RABGAP1L: variants seen among roughly 807,000 people sequenced by gnomAD.
RABGAP1L encodes RAB GTPase activating protein 1 like.
A neutral mutation model predicts 137.7 loss-of-function variants in RABGAP1L; 63 were observed. The observed-to-expected ratio is 0.46, with a 90% CI of 0.37 to 0.56. RABGAP1L has a LOEUF of 0.56. Among genes scored for constraint, RABGAP1L ranks in the 20% least tolerant of loss-of-function variants. The probability of loss-of-function intolerance (pLI) is 0.00; values close to 1 mark genes in which losing one functional copy is unlikely to be tolerated. For missense variants in RABGAP1L, 1,095 were observed against 1,244.0 expected, an observed-to-expected ratio of 0.88 and a Z score of 1.80; for synonymous variants, 431 against 433.7, an observed-to-expected ratio of 0.99 and a Z score of 0.08.
intron 10 of RABGAP1L, among the ~76,000 whole-genome samples, chr1:174,299,346 C>G (rs371782140): frequency 4.6e-5 from 7 of 152,294 alleles, no homozygotes; most frequent in African/African-American, 1.7e-4. Flanking sequence ...TTACTGACCA[C>G]AGGTCAGGAA....
chr1:174,990,137 T>C lies in RABGAP1L; in HGVS notation c.*136T>C. On this transcript the variant is annotated 3_prime_UTR_variant, in exon 26 of 26. Coordinates refer to ENST00000681986, the MANE Select transcript of RABGAP1L (RefSeq NM_001366446.1). ...GAATTTTTCAGTAGCTCTCACTCTT[T>C]CTTGTATGACACTTTTCAAAGGGAT... is the stretch of plus-strand genomic sequence containing the variant. 2 of 1,120,414 alleles carry C rather than the reference T, an allele frequency of 1.8e-6. No homozygotes were observed. Among genetic ancestry groups the C allele is most frequent in the Admixed American group, 2.8e-5 (1 of 35,312 alleles). 69.4% of individuals were successfully genotyped at this position (1,120,414 alleles called of 1,614,324 possible). A position where few individuals can be genotyped will look rare whatever the true frequency, so the allele number is the denominator to read the frequency against.
rs1284626979 is a variant in RABGAP1L at position 174,484,918 on chromosome 1, A to G, written c.1710+90773A>G. On this transcript the variant is annotated intron_variant, in intron 13 of 25. Coordinates refer to ENST00000681986, the MANE Select transcript of RABGAP1L (RefSeq NM_001366446.1). ...TCTTTGGTATTTTGATAGGGATTGC[A>G]CTGAATCTGTTGATTGCTTTGTGTA... Among the ~76,000 whole-genome samples, 3 of 152,202 alleles carry G rather than the reference A, an allele frequency of 2.0e-5. No individual in the cohort carries two copies. The South Asian group carries it at 6.2e-4, about 32-fold the overall frequency.
intron 11 of RABGAP1L, among the ~76,000 whole-genome samples, chr1:174,364,754 C>T (rs1272286307): frequency 2.6e-5 from 4 of 152,088 alleles, no homozygotes; most frequent in South Asian, 4.2e-4. Context: ...ACCCCTGAAA[C>T]GAGCATGTCT....
At chr1:174,373,884 C>T (rs550695318) in intron 12 of RABGAP1L, among the ~76,000 whole-genome samples, 9 of 152,228 alleles carry the variant, frequency 5.9e-5, no homozygotes, top group African/African-American at 2.2e-4. Flanking sequence ...GGACTTGTAG[C>T]TGATAGGCAG....
At chr1:174,777,207 T>G (rs1238024495) in intron 18 of RABGAP1L, among the ~76,000 whole-genome samples, 1 of 152,236 alleles carries the variant, frequency 6.6e-6, no homozygotes, top group African/African-American at 2.4e-5. Flanking sequence ...TCTTTTTATG[T>G]GATGGTATGT....
chr1:174,248,131 A>G (rs1345987514), intron 5 of RABGAP1L, among the ~76,000 whole-genome samples: 5 of 152,184 alleles, frequency 3.3e-5, no homozygotes, highest in Non-Finnish European at 7.3e-5. Context: ...GTTTTCCTCT[A>G]TAAACACTTG....
intron 19 of RABGAP1L, among the ~76,000 whole-genome samples, chr1:174,868,664 A>G (rs1329280): frequency 0.12 from 18,264 of 152,214 alleles, 3,643 homozygotes; most frequent in African/African-American, 0.41. Flanking sequence ...ATATCATTAT[A>G]TAACAAATGC....
chr1:174,779,009 G>A (rs1051047037), intron 18 of RABGAP1L, among the ~76,000 whole-genome samples: 1 of 152,172 alleles, frequency 6.6e-6, no homozygotes, highest in Non-Finnish European at 1.5e-5. Context: ...TAACTGTAGT[G>A]ATTCTATATA....
At chr1:174,558,632 A>T (rs1667025004) in intron 13 of RABGAP1L, among the ~76,000 whole-genome samples, 1 of 152,192 alleles carries the variant, frequency 6.6e-6, no homozygotes, top group Non-Finnish European at 1.5e-5. Flanking sequence ...ACTCTTGAAT[A>T]TTTTTTAACC....
intron 18 of RABGAP1L, among the ~76,000 whole-genome samples, chr1:174,758,383 C>A (rs1429666404): frequency 1.3e-5 from 2 of 151,906 alleles, no homozygotes; most frequent in Non-Finnish European, 2.9e-5. Flanking sequence ...TATTCATTCC[C>A]CTGGTTTCAT....
chr1:174,526,429 G>A (rs1289757037), intron 13 of RABGAP1L, among the ~76,000 whole-genome samples: 2 of 152,072 alleles, frequency 1.3e-5, no homozygotes, highest in East Asian at 3.8e-4. Context: ...TTAGTTCTTT[G>A]TGTGTTCGGT....
Position 174,749,436 on chromosome 1 carries a change from C to A in RABGAP1L, c.2170-2877C>A, listed in dbSNP as rs1573020669. On this transcript the variant is annotated intron_variant, in intron 17 of 25. Coordinates refer to ENST00000681986, the MANE Select transcript of RABGAP1L (RefSeq NM_001366446.1). ...GCTCAACCTCCTCAGTTCAAGCACT[C>A]CTCCTGCCTCAGCCTCCCATGAAGC... Among the ~76,000 whole-genome samples, 3 of 151,892 alleles carry A rather than the reference C, an allele frequency of 2.0e-5. No individual in the cohort carries two copies. In the East Asian group the frequency reaches 5.9e-4, roughly 30 times the overall value.
At chr1:174,548,007 C>A (rs1558330824) in intron 13 of RABGAP1L, 1 of 1,550,502 alleles carries the variant, frequency 6.4e-7, no homozygotes, top group East Asian at 2.4e-5. Flanking sequence ...CTGAATTGTA[C>A]AAATATGTCC....
chr1:174,165,294 C>T (rs773117616), intron 1 of RABGAP1L, among the ~76,000 whole-genome samples: 22 of 152,030 alleles, frequency 1.4e-4, no homozygotes, highest in Non-Finnish European at 2.8e-4. Context: ...GGATTACAGG[C>T]GCCAACTGCC....
chr1:174,963,159 A>G (rs1310448063), intron 20 of RABGAP1L, among the ~76,000 whole-genome samples: 1 of 152,070 alleles, frequency 6.6e-6, no homozygotes, highest in Non-Finnish European at 1.5e-5. Context: ...TTATTTTTTC[A>G]TATCCCAAAA....
intron 17 of RABGAP1L, among the ~76,000 whole-genome samples, chr1:174,747,114 A>G (rs1683934977): frequency 6.6e-6 from 1 of 152,148 alleles, no homozygotes; most frequent in Admixed American, 6.5e-5. Flanking sequence ...TTAAAAATAC[A>G]TTTCAAGGCT....
At chr1:174,798,337 G>A (rs530215950) in intron 18 of RABGAP1L, among the ~76,000 whole-genome samples, 86 of 151,786 alleles carry the variant, frequency 5.7e-4, no homozygotes, top group Admixed American at 8.5e-4. Flanking sequence ...AACCCGGGAG[G>A]CAGAGCTTGC....
chr1:174,951,762 T>C (rs979603044), intron 19 of RABGAP1L, among the ~76,000 whole-genome samples: 3 of 152,096 alleles, frequency 2.0e-5, no homozygotes, highest in Non-Finnish European at 2.9e-5. Flanking sequence ...GGTGAAATCA[T>C]AAATGGGCCC....
intron 13 of RABGAP1L, among the ~76,000 whole-genome samples, chr1:174,626,914 A>G (rs1323607762): frequency 6.6e-6 from 1 of 152,230 alleles, no homozygotes; most frequent in Non-Finnish European, 1.5e-5. Flanking sequence ...ATAGAACTAA[A>G]GGAGGCTCCC....
Sources: allele counts gnomAD v4.1 joint callset (sites outside exome capture counted in the v4.1 genomes callset), GRCh38; gene constraint gnomAD v4.1.1; transcripts MANE v1.5; gene names NCBI Gene and HGNC (gene_info 2026-07-23, HGNC 2026-07-21).